CHIC2: variants seen among roughly 807,000 people sequenced by gnomAD.
CHIC2 encodes cysteine rich hydrophobic domain 2, also known as cysteine-rich hydrophobic domain-containing protein 2.
Under a neutral mutation model 25.9 loss-of-function variants are expected in CHIC2, and 14 were observed. The observed-to-expected ratio is 0.54, with a 90% CI of 0.36 to 0.85. CHIC2 has a LOEUF of 0.85. Among genes scored for constraint, CHIC2 ranks in the 40% least tolerant of loss-of-function variants. The pLI is 0.01. For missense variants in CHIC2, 146 were observed against 202.0 expected, an observed-to-expected ratio of 0.72 and a Z score of 1.68; for synonymous variants, 70 against 72.0, an observed-to-expected ratio of 0.97 and a Z score of 0.14.
At chr4:54,085,728 T>C in the CHIC2 span, among the ~76,000 whole-genome samples, 2 of 152,194 alleles carry the variant, frequency 1.3e-5, no homozygotes, top group Non-Finnish European at 2.9e-5. Context: ...AGGCCGACAG[T>C]GGAGGGAGAA....
chr4:54,016,385 T>C (rs1715740951), intron 3 of CHIC2, among the ~76,000 whole-genome samples: 1 of 152,140 alleles, frequency 6.6e-6, no homozygotes, highest in Non-Finnish European at 1.5e-5. Context: ...CAACTACTAG[T>C]ATTTGAATAA....
intron 3 of CHIC2, among the ~76,000 whole-genome samples, chr4:54,032,174 A>T (rs189817851): frequency 2.6e-5 from 4 of 152,296 alleles, no homozygotes; most frequent in African/African-American, 9.6e-5. Context: ...AAAGTGGCAT[A>T]ATTCTGGTTA....
At chr4:54,056,686 T>C (rs988379044) in intron 1 of CHIC2, among the ~76,000 whole-genome samples, 4 of 152,158 alleles carry the variant, frequency 2.6e-5, no homozygotes, top group African/African-American at 9.7e-5. Context: ...ACCAACTCTA[T>C]CCTAAGTAGA....
upstream of CHIC2, among the ~76,000 whole-genome samples, chr4:54,068,456 C>T (rs1267389249): frequency 3.9e-5 from 6 of 152,104 alleles, no homozygotes; most frequent in Admixed American, 1.3e-4. Context: ...AGCTACCAGC[C>T]GTTTGATCTT....
At chr4:54,021,646 C>A (rs1715902132) in intron 3 of CHIC2, among the ~76,000 whole-genome samples, 1 of 152,080 alleles carries the variant, frequency 6.6e-6, no homozygotes, top group African/African-American at 2.4e-5. Context: ...GTTAATGTTC[C>A]TTTTTCTTTA....
chr4:54,050,658 C>G (rs762973866), intron 1 of CHIC2, among the ~76,000 whole-genome samples: 1 of 152,056 alleles, frequency 6.6e-6, no homozygotes, highest in Non-Finnish European at 1.5e-5. Flanking sequence ...TACACAAAAA[C>G]TTACCACTGT....
chr4:54,030,822 C>T (rs1195197293), intron 3 of CHIC2, among the ~76,000 whole-genome samples: 2 of 150,578 alleles, frequency 1.3e-5, no homozygotes, highest in African/African-American at 2.4e-5. Flanking sequence ...AATGAGCCAC[C>T]GCACCTGGCC....
At chr4:54,088,929 G>C in the CHIC2 span, among the ~76,000 whole-genome samples, 1 of 152,192 alleles carries the variant, frequency 6.6e-6, no homozygotes, top group Non-Finnish European at 1.5e-5. Context: ...ATTTGGGCAA[G>C]AGCCACCAGA....
the CHIC2 span, chr4:54,087,609 G>T: frequency 1.5e-6 from 1 of 685,950 alleles, no homozygotes; most frequent in Non-Finnish European, 2.3e-6. Context: ...ACCTACTGAG[G>T]TTATTTGTAA....
chr4:54,070,612 G>T, the CHIC2 span, among the ~76,000 whole-genome samples: 1 of 151,888 alleles, frequency 6.6e-6, no homozygotes, highest in Non-Finnish European at 1.5e-5. Flanking sequence ...TAGTAGAGAC[G>T]GGGTTTCACC....
intron 1 of CHIC2, among the ~76,000 whole-genome samples, chr4:54,061,715 G>A (rs867830231): frequency 1.3e-5 from 2 of 152,034 alleles, no homozygotes; most frequent in Admixed American, 6.5e-5. Context: ...TAGTGTGCCT[G>A]GGAATTATGC....
intron 1 of CHIC2, among the ~76,000 whole-genome samples, chr4:54,062,486 C>A (rs183686694): frequency 2.1e-3 from 318 of 152,116 alleles, no homozygotes; most frequent in Non-Finnish European, 3.6e-3. Flanking sequence ...GTTTGAAAAC[C>A]ACTAATAATT....
the CHIC2 span, among the ~76,000 whole-genome samples, chr4:54,081,442 C>A: frequency 2.6e-5 from 4 of 151,882 alleles, no homozygotes; most frequent in South Asian, 8.3e-4. Context: ...TACTTATTAT[C>A]GCTATTATTC....
chr4:54,042,397 A>C (rs566763353), intron 3 of CHIC2, among the ~76,000 whole-genome samples: 15 of 152,336 alleles, frequency 9.8e-5, no homozygotes, highest in African/African-American at 3.4e-4. Context: ...GCATTTCAAA[A>C]AGGATCTCAA....
intron 3 of CHIC2, among the ~76,000 whole-genome samples, chr4:54,016,337 C>G (rs1198061189): frequency 6.6e-6 from 1 of 152,018 alleles, no homozygotes; most frequent in African/African-American, 2.4e-5. Flanking sequence ...TACATACACA[C>G]AATTTTAAAA....
the CHIC2 span, among the ~76,000 whole-genome samples, chr4:54,090,257 G>A: frequency 6.6e-6 from 1 of 151,964 alleles, no homozygotes; most frequent in East Asian, 1.9e-4. Context: ...TGCAATCTCG[G>A]CTCACTGCAA....
Position 54,010,078 on chromosome 4 carries a change from TATAA to T in CHIC2, c.*13_*16del, listed in dbSNP as rs1560378749. 1.9e-6 allele frequency: 3 copies of T among 1,573,072 alleles called. No homozygotes were observed. The highest frequency in any genetic ancestry group is 1.1e-5 in the South Asian group (1 of 89,452). On this transcript the variant is annotated 3_prime_UTR_variant, in exon 6 of 6. Coordinates refer to ENST00000263921, the MANE Select transcript of CHIC2 (RefSeq NM_012110.4). Reference sequence around the variant, plus strand: ...AAAGACAACATACTTGGAAAGTCTCTATAAATAAAGTAAATGCTAATCTGGTCGA... The same window carrying T: ...AAAGACAACATACTTGGAAAGTCTCTATAAAGTAAATGCTAATCTGGTCGA...
chr4:54,035,599 A>T (rs1199291575), intron 3 of CHIC2, among the ~76,000 whole-genome samples: 1 of 152,120 alleles, frequency 6.6e-6, no homozygotes, highest in East Asian at 1.9e-4. Flanking sequence ...CCTGAAACTT[A>T]ATTTATCTCT....
the CHIC2 span, among the ~76,000 whole-genome samples, chr4:54,084,259 G>A: frequency 6.6e-6 from 1 of 152,110 alleles, no homozygotes; most frequent in Non-Finnish European, 1.5e-5. Context: ...AAACTAAATT[G>A]AATTTTAATA....
Sources: allele counts gnomAD v4.1 joint callset (sites outside exome capture counted in the v4.1 genomes callset), GRCh38; gene constraint gnomAD v4.1.1; transcripts MANE v1.5; gene names NCBI Gene and HGNC (gene_info 2026-07-23, HGNC 2026-07-21).